RIPOR3: variants seen among roughly 807,000 people sequenced by gnomAD.
RIPOR3 encodes RIPOR family member 3, also known as family with sequence similarity 65 member C.
In RIPOR3, 95 loss-of-function variants were observed where a neutral mutation model predicts 114.3. The ratio of observed to expected loss-of-function variants is 0.83; its 90% CI spans 0.70 to 0.99. The LOEUF (loss-of-function observed/expected upper bound fraction) is 0.99, where lower values mean the gene tolerates loss of function less well. Among genes scored for constraint, RIPOR3 ranks in the 50% least tolerant of loss-of-function variants. The pLI is 0.00. For missense variants in RIPOR3, 1,252 were observed against 1,266.9 expected (o/e 0.99, Z 0.18); for synonymous variants, 575 against 543.8 (o/e 1.06, Z -0.80).
At chr20:50,592,897 A>C (rs1398074516) in intron 18 of RIPOR3, 138 bp downstream of exon 18, 1 of 1,148,592 alleles carries the variant, frequency 8.7e-7, no homozygotes, top group African/African-American at 1.5e-5. Flanking sequence ...TGAACGCAGA[A>C]TCTCATTAAA....
Position 50,665,421 on chromosome 20 carries a change from C to CTTTTTTTTTT in RIPOR3, c.3+25695_3+25704dup, listed in dbSNP as rs11471486. Reference sequence around the variant, plus strand: ...TACCTTGGCTCAGAGCCCCCTCTTCCTTTTTTTTTTTTTTTTTGAGATGGA... The same window carrying CTTTTTTTTTT: ...TACCTTGGCTCAGAGCCCCCTCTTCCTTTTTTTTTTTTTTTTTTTTTTTTTTTGAGATGGA... On this transcript the variant is annotated intron_variant, in intron 1 of 21. Transcript: ENST00000327979. 2.4e-4 allele frequency among the ~76,000 whole-genome samples: 26 copies of CTTTTTTTTTT among 107,838 alleles called. 2 individuals are homozygous for CTTTTTTTTTT. The highest frequency in any genetic ancestry group is 4.5e-4 in the African/African-American group (13 of 29,190). 70.7% of individuals were successfully genotyped at this position (107,838 alleles called of 152,430 possible). A position where few individuals can be genotyped will look rare whatever the true frequency, so the allele number is the denominator to read the frequency against.
At chr20:50,639,729 G>A (rs923779654) in intron 1 of RIPOR3, among the ~76,000 whole-genome samples, 1 of 152,196 alleles carries the variant, frequency 6.6e-6, no homozygotes, top group African/African-American at 2.4e-5. Context: ...TAAAGTGCTT[G>A]TGTATAGGCA....
intron 13 of RIPOR3, among the ~76,000 whole-genome samples, chr20:50,601,595 A>G (rs922986323): frequency 1.3e-5 from 2 of 152,232 alleles, no homozygotes; most frequent in African/African-American, 4.8e-5. Context: ...TGCCTAGGTC[A>G]GCACCTCTGA....
chr20:50,683,016 C>T (rs147072621), intron 1 of RIPOR3, among the ~76,000 whole-genome samples: 144 of 152,226 alleles, frequency 9.5e-4, no homozygotes, highest in African/African-American at 3.3e-3. Context: ...CATGAGCCAC[C>T]GTGCCTGGTG....
intron 2 of RIPOR3, among the ~76,000 whole-genome samples, chr20:50,629,833 T>C (rs1488105238): frequency 6.6e-6 from 1 of 152,194 alleles, no homozygotes; most frequent in African/African-American, 2.4e-5. Flanking sequence ...CATTGCCTAG[T>C]CTTCCAGACA....
chr20:50,602,704 CA>C lies in RIPOR3; in HGVS notation c.1087-61del, dbSNP rs1601481686. The C allele has an allele frequency of 1.6e-5, 21 of 1,311,658 alleles. No individual in the cohort carries two copies. In the East Asian group the frequency reaches 5.5e-4, roughly 34 times the overall value. The allele number at this position is 1,311,658 out of a possible 1,614,324, so 81.3% of individuals were successfully genotyped here. On this transcript the variant is annotated intron_variant, in intron 12 of 21. Transcript: ENST00000327979. This position sits in a 1 kb window ranked among gnomAD's most constrained non-coding sequence, Gnocchi z 4.3. ...ACCCCAGGGACCACAGCAAGTCCCC[CA>C]GAGGGGCTTCCCCTGACAGACACCC...
intron 4 of RIPOR3, among the ~76,000 whole-genome samples, chr20:50,611,542 A>G (rs1339548894): frequency 4.6e-5 from 7 of 152,184 alleles, no homozygotes; most frequent in Non-Finnish European, 7.3e-5. Context: ...ACAGGGAGAA[A>G]AAAGGACACA....
chr20:50,639,135 G>A (rs1433207547), intron 1 of RIPOR3, among the ~76,000 whole-genome samples: 5 of 151,958 alleles, frequency 3.3e-5, no homozygotes, highest in South Asian at 4.1e-4. Flanking sequence ...CCAGCTACTC[G>A]GGAAGCTGAG....
At chr20:50,682,363 T>C (rs1477565447) in intron 1 of RIPOR3, among the ~76,000 whole-genome samples, 1 of 152,206 alleles carries the variant, frequency 6.6e-6, no homozygotes, top group African/African-American at 2.4e-5. Context: ...ATCCCAGCCC[T>C]TTGGGATGCT....
chr20:50,626,371 T>A (rs1386832961), intron 2 of RIPOR3, among the ~76,000 whole-genome samples: 2 of 151,870 alleles, frequency 1.3e-5, no homozygotes, highest in Admixed American at 6.6e-5. Flanking sequence ...ACAGGAGGGG[T>A]CTGAGATATT....
chr20:50,680,464 A>C (rs1168764959), intron 1 of RIPOR3, among the ~76,000 whole-genome samples: 1 of 152,240 alleles, frequency 6.6e-6, no homozygotes, highest in Non-Finnish European at 1.5e-5. Context: ...GCTGTTCTCA[A>C]GCAGAACTAA....
chr20:50,669,062 A>G (rs931129503), intron 1 of RIPOR3, among the ~76,000 whole-genome samples: 3 of 152,050 alleles, frequency 2.0e-5, no homozygotes, highest in Non-Finnish European at 4.4e-5. Flanking sequence ...GCACACTCAC[A>G]TATACATTAT....
In RIPOR3 at chr20:50,600,749, G is replaced by A. The variant is rs1032591365; in HGVS notation, c.1659+1323C>T. Among the ~76,000 whole-genome samples, 3 of 152,160 alleles carry A rather than the reference G, an allele frequency of 2.0e-5. 1 individual carries two copies. The highest frequency in any genetic ancestry group is 2.4e-5 in the African/African-American group (1 of 41,412). ...AACTCCAGCCTGGGCAACAGAGTGAGACCCTGTCTCCAGAAAAATGAAAAA... is the reference window on the plus strand; with the variant it reads ...AACTCCAGCCTGGGCAACAGAGTGAAACCCTGTCTCCAGAAAAATGAAAAA... On this transcript the variant is annotated intron_variant, in intron 13 of 21. Coordinates refer to ENST00000327979, the MANE Select transcript of RIPOR3 (RefSeq NM_001290268.2).
At chr20:50,663,670 A>AT (rs1478838959) in intron 1 of RIPOR3, among the ~76,000 whole-genome samples, 1 of 151,854 alleles carries the variant, frequency 6.6e-6, no homozygotes, top group Non-Finnish European at 1.5e-5. Flanking sequence ...TCTGCCACCT[A>AT]TTTTCTCCCC....
intron 1 of RIPOR3, among the ~76,000 whole-genome samples, chr20:50,647,478 C>CTTTTTTTTTT (rs942940961): frequency 1.0e-5 from 1 of 100,352 alleles, no homozygotes; most frequent in Non-Finnish European, 2.0e-5. Context: ...GCCTCATTCT[C>CTTTTTTTTTT]TTTTTTTTTT....
intron 1 of RIPOR3, among the ~76,000 whole-genome samples, chr20:50,673,502 C>A (rs1423838272): frequency 6.6e-6 from 1 of 152,186 alleles, no homozygotes; most frequent in African/African-American, 2.4e-5. Context: ...CACCCACTGG[C>A]TCTCCCTGCT....
chr20:50,635,571 T>TA (rs1348605235), intron 1 of RIPOR3, among the ~76,000 whole-genome samples: 4 of 151,844 alleles, frequency 2.6e-5, no homozygotes, highest in Admixed American at 1.3e-4. Context: ...GGAGGATCAT[T>TA]AGAGACCTCC....
intron 6 of RIPOR3, among the ~76,000 whole-genome samples, chr20:50,609,925 G>A (rs2083889241): frequency 6.6e-6 from 1 of 151,148 alleles, no homozygotes; most frequent in African/African-American, 2.4e-5. Flanking sequence ...CATAGGCAGG[G>A]ACCACATCTG....
chr20:50,666,187 C>CTTTTCTTTTCTTTTCTTTTTTTCTTTG (rs1568944377), intron 1 of RIPOR3, among the ~76,000 whole-genome samples: 11 of 82,556 alleles, frequency 1.3e-4, no homozygotes, highest in African/African-American at 5.6e-4. Flanking sequence ...ACACCCATTT[C>CTTTTCTTTTCTTTTCTTTTTTTCTTTG]TTTTCTTTTC....
Sources: gnomAD v4.1 joint callset for allele counts (sites outside exome capture counted in the v4.1 genomes callset) on GRCh38, gnomAD v4.1.1 for gene constraint, Gnocchi (gnomAD v3.1) non-coding constraint, MANE v1.5 for transcripts, NCBI Gene and HGNC (gene_info 2026-07-23, HGNC 2026-07-21) for gene names.